GCNT2: variants seen among roughly 807,000 people sequenced by gnomAD.
The protein encoded by GCNT2 is glucosaminyl (N-acetyl) transferase 2 (I blood group).
In GCNT2, 34 loss-of-function variants were observed where a neutral mutation model predicts 34.2. The ratio of observed to expected loss-of-function variants is 1.00; its 90% CI spans 0.76 to 1.32. The LOEUF is 1.32. Ranked by LOEUF, GCNT2 falls within the 40% of genes most tolerant of loss-of-function variation. The pLI is 0.00. For synonymous variants in GCNT2, 212 were observed against 188.0 expected, an observed-to-expected ratio of 1.13 and a Z score of -1.04; for missense variants, 584 against 489.4, an observed-to-expected ratio of 1.19 and a Z score of -1.82.
chr6:10,605,711 T>A (rs2127431467), intron 3 of GCNT2, among the ~76,000 whole-genome samples: 1 of 152,288 alleles, frequency 6.6e-6, no homozygotes, highest in South Asian at 2.1e-4. Flanking sequence ...ATTTACTAGT[T>A]TGTTGACTTG....
chr6:10,571,513 C>G (rs560763097), intron 3 of GCNT2, among the ~76,000 whole-genome samples: 1 of 151,992 alleles, frequency 6.6e-6, no homozygotes, highest in East Asian at 1.9e-4. Flanking sequence ...CCAATATGCC[C>G]GGCAAATTTT....
At chr6:10,608,724 G>T (rs1765427474) in intron 3 of GCNT2, among the ~76,000 whole-genome samples, 1 of 152,196 alleles carries the variant, frequency 6.6e-6, no homozygotes, top group African/African-American at 2.4e-5. Flanking sequence ...TAGTAACTTA[G>T]TTCCTAACAA....
At chr6:10,620,715 C>A (rs1366279800) in intron 3 of GCNT2, among the ~76,000 whole-genome samples, 1 of 152,148 alleles carries the variant, frequency 6.6e-6, no homozygotes, top group Non-Finnish European at 1.5e-5. Flanking sequence ...ATATTATAAT[C>A]TTGGAGTCTA....
intron 3 of GCNT2, among the ~76,000 whole-genome samples, chr6:10,561,219 A>G (rs2113683909): frequency 6.6e-6 from 1 of 152,166 alleles, no homozygotes; most frequent in South Asian, 2.1e-4. Context: ...CTAGAGTGCA[A>G]TGGCACGATC....
intron 3 of GCNT2, chr6:10,530,193 A>G (rs1235253559): frequency 4.8e-6 from 1 of 210,018 alleles, no homozygotes; most frequent in African/African-American, 2.4e-5. Flanking sequence ...GAAAACCTGT[A>G]TCTACTAAAA....
intron 3 of GCNT2, among the ~76,000 whole-genome samples, chr6:10,542,030 G>C (rs949426586): frequency 6.6e-6 from 1 of 152,096 alleles, no homozygotes; most frequent in Non-Finnish European, 1.5e-5. Flanking sequence ...GCGTCAGATT[G>C]AATTCAAATT....
At chr6:10,533,319 T>TA (rs1206174084) in intron 3 of GCNT2, among the ~76,000 whole-genome samples, 1 of 150,958 alleles carries the variant, frequency 6.6e-6, no homozygotes, top group Non-Finnish European at 1.5e-5. Context: ...AATAAAAATT[T>TA]AAAAAAAAAT....
chr6:10,602,374 C>T (rs372975845), intron 3 of GCNT2, among the ~76,000 whole-genome samples: 6 of 152,162 alleles, frequency 3.9e-5, no homozygotes, highest in African/African-American at 9.6e-5. Flanking sequence ...GTTTTTGTGT[C>T]GCTGTGTAAC....
chr6:10,549,654 A>G (rs914846547), intron 3 of GCNT2, among the ~76,000 whole-genome samples: 1 of 144,514 alleles, frequency 6.9e-6, no homozygotes, highest in African/African-American at 2.6e-5. Context: ...TCACTGCAAC[A>G]TCCGCCTCTC....
intron 3 of GCNT2, among the ~76,000 whole-genome samples, chr6:10,593,025 G>A (rs1323803813): frequency 1.3e-5 from 2 of 152,314 alleles, no homozygotes; most frequent in East Asian, 1.9e-4. Context: ...ACAGGCGTGA[G>A]CCACCACGCC....
Position 10,581,919 on chromosome 6 carries a change from T to A in GCNT2, c.926-39432T>A, listed in dbSNP as rs926803124. ...TTATTGGATTGTTCCCTTCATACAG[T>A]CACATTTCTAGAGTGTGTGTGAATA... is the stretch of plus-strand genomic sequence containing the variant. On this transcript the variant is annotated intron_variant, in intron 3 of 4. Coordinates refer to ENST00000495262, the MANE Select transcript of GCNT2 (RefSeq NM_145649.5). The A allele has an allele frequency of 3.1e-6, 3 of 964,890 alleles. No homozygotes were observed. The African/African-American group carries it at 5.3e-5, about 17-fold the overall frequency. 59.8% of individuals were successfully genotyped at this position (964,890 alleles called of 1,614,324 possible).
At chr6:10,544,245 C>T (rs886613446) in intron 3 of GCNT2, among the ~76,000 whole-genome samples, 13 of 151,272 alleles carry the variant, frequency 8.6e-5, no homozygotes, top group African/African-American at 2.7e-4. Context: ...ACCCAGGAGG[C>T]GGAGGTTGCA....
intron 3 of GCNT2, among the ~76,000 whole-genome samples, chr6:10,549,604 C>CTCTG (rs1762405896): frequency 7.6e-6 from 1 of 132,196 alleles, no homozygotes; most frequent in Admixed American, 8.3e-5. Flanking sequence ...CAGGGTCTCG[C>CTCTG]TCTGTCACCC....
chr6:10,538,598 G>C (rs1219168432), intron 3 of GCNT2, among the ~76,000 whole-genome samples: 1 of 151,520 alleles, frequency 6.6e-6, no homozygotes, highest in African/African-American at 2.4e-5. Context: ...AAGTCATAAA[G>C]TGACACAGCA....
intron 3 of GCNT2, among the ~76,000 whole-genome samples, chr6:10,547,420 T>A (rs1210265285): frequency 6.6e-6 from 1 of 152,202 alleles, no homozygotes; most frequent in Non-Finnish European, 1.5e-5. Flanking sequence ...CCCCTCCAGT[T>A]TGGAACAATT....
chr6:10,523,540 T>A (rs1251719947), intron 1 of GCNT2, among the ~76,000 whole-genome samples: 1 of 152,010 alleles, frequency 6.6e-6, no homozygotes, highest in Non-Finnish European at 1.5e-5. Flanking sequence ...CCTCGTAGCC[T>A]CTTCTTCCCC....
At chr6:10,550,103 G>A (rs1043043794) in intron 3 of GCNT2, among the ~76,000 whole-genome samples, 4 of 152,120 alleles carry the variant, frequency 2.6e-5, no homozygotes, top group Admixed American at 2.6e-4. Context: ...GCCTAGGCTG[G>A]GGTGCAGTGG....
At chr6:10,577,507 G>A (rs936809476) in intron 3 of GCNT2, among the ~76,000 whole-genome samples, 13 of 152,186 alleles carry the variant, frequency 8.5e-5, no homozygotes, top group African/African-American at 3.1e-4. Flanking sequence ...CGAATTCCAT[G>A]GTTCCATGGT....
At chr6:10,587,299 G>A (rs566037774) in intron 3 of GCNT2, among the ~76,000 whole-genome samples, 9 of 152,310 alleles carry the variant, frequency 5.9e-5, no homozygotes, top group South Asian at 2.1e-4. Context: ...GTTAGACATC[G>A]CTTTCATTGA....
Sources: gnomAD v4.1 joint callset for allele counts (sites outside exome capture counted in the v4.1 genomes callset) on GRCh38, gnomAD v4.1.1 for gene constraint, MANE v1.5 for transcripts, NCBI Gene and HGNC (gene_info 2026-07-23, HGNC 2026-07-21) for gene names.